The following ATG2B variants were observed in gnomAD, a reference collection of about 807,000 sequenced individuals.
ATG2B encodes the protein autophagy related 2B.
In ATG2B, 121 loss-of-function variants were observed where a neutral mutation model predicts 241.3. The observed-to-expected ratio is 0.50, with a 90% CI of 0.43 to 0.58. The LOEUF (loss-of-function observed/expected upper bound fraction) is 0.58, where lower values mean the gene tolerates loss of function less well. Ranked by LOEUF, ATG2B falls within the 20% of genes least tolerant of loss-of-function variation. The pLI is 0.00. For missense variants in ATG2B, 2,306 were observed against 2,491.6 expected (o/e 0.93, Z 1.59); for synonymous variants, 858 against 876.6 (o/e 0.98, Z 0.37).
At chr14:96,341,845 T>G (rs546574088) in intron 5 of ATG2B, 144 bp from the exon 6 acceptor site, 1 of 588,090 alleles carries the variant, frequency 1.7e-6, no homozygotes, top group African/African-American at 1.9e-5. Flanking sequence ...CAGTATCGTA[T>G]AGCTAAAATG....
chr14:96,356,329 C>T (rs918685390), intron 1 of ATG2B, among the ~76,000 whole-genome samples: 2 of 152,060 alleles, frequency 1.3e-5, no homozygotes, highest in African/African-American at 4.8e-5. Context: ...GCCTACTTTA[C>T]AAATATGGCA....
intron 1 of ATG2B, among the ~76,000 whole-genome samples, chr14:96,360,910 A>C (rs4905485): frequency 7.0e-6 from 1 of 142,620 alleles, no homozygotes; most frequent in Non-Finnish European, 1.5e-5. Flanking sequence ...TTTGGCAACA[A>C]AGCAAGAGAA....
Position 96,295,506 on chromosome 14 carries a change from G to A in ATG2B, c.5194C>T (p.Leu1732Phe), listed in dbSNP as rs533956073. The change falls in exon 35 of 42, where the codon CTT becomes TTT. Residue 1732 changes from leucine to phenylalanine, a missense_variant. Leu to Phe is a conservative substitution (Grantham distance 22). Around this residue, in one of 2 missense-constraint regions of ATG2B, gnomAD observed 379 missense variants for 480.4 expected, o/e 0.79. Transcript: ENST00000359933. ...FFTSLSAEVE[L>F]QMTPDPEVKK... ...CCTTCTGGATCTGGAGTCATTTGAAGCTCTACTTCTGCAGAAAGACTTGTG... is the reference window on the plus strand; with the variant it reads ...CCTTCTGGATCTGGAGTCATTTGAAACTCTACTTCTGCAGAAAGACTTGTG... 79 of 1,605,824 alleles carry A rather than the reference G, an allele frequency of 4.9e-5. No homozygotes were observed. In the South Asian group the frequency reaches 8.4e-4, roughly 17 times the overall value.
chr14:96,340,320 T>C (rs373519748), intron 6 of ATG2B, among the ~76,000 whole-genome samples: 2 of 150,130 alleles, frequency 1.3e-5, no homozygotes, highest in African/African-American at 2.4e-5. Flanking sequence ...AACAGATGAA[T>C]GGATAAAGAA....
At chr14:96,337,940 A>G (rs1174287705) in intron 6 of ATG2B, among the ~76,000 whole-genome samples, 2 of 152,090 alleles carry the variant, frequency 1.3e-5, no homozygotes, top group Non-Finnish European at 2.9e-5. Flanking sequence ...TGTGCCATCT[A>G]TTCTTTCAGC....
rs746886878 is a variant in ATG2B, at chr14:96,311,278, G to A, written c.4000C>T (p.Arg1334Cys). Reference protein sequence around the residue: ...SDSDGEQTEPRFELHCSSDVV... With the variant: ...SDSDGEQTEPCFELHCSSDVV... ...TCGCTGGAACAGTGTAACTCAAAGC[G>A]GGGCTCAGTCTGGACAAGACACAGA... The change falls in exon 28 of 42, where the codon CGC becomes TGC. Residue 1334 changes from arginine to cysteine, a missense_variant. By Grantham distance (180) the Arg-to-Cys change is radical. This residue lies in a region of ATG2B where 1,927 missense variants were observed against 2,011.2 expected (regional missense o/e 0.96). Transcript: ENST00000359933. 9.9e-6 allele frequency: 16 copies of A among 1,611,990 alleles called. No homozygotes were observed. The highest frequency in any genetic ancestry group is 5.0e-5 in the Admixed American group (3 of 59,690).
In ATG2B at chr14:96,341,005, C is replaced by T. The variant is rs147348066; in HGVS notation, c.924+517G>A. On this transcript the variant is annotated intron_variant, in intron 6 of 41. Coordinates refer to ENST00000359933, the MANE Select transcript of ATG2B (RefSeq NM_018036.7). The stretch of plus-strand genomic sequence containing the variant: ...GTCAAAAAATTTTAAAGCTATGAGA[C>T]AATGGAAAAAGTCTATCTCTTTTCA... Among the ~76,000 whole-genome samples the T allele has an allele frequency of 9.7e-4, 145 of 149,984 alleles. 1 individual carries two copies. The highest frequency in any genetic ancestry group is 3.4e-3 in the African/African-American group (137 of 40,760).
chr14:96,302,589 A>C (rs78393467), intron 33 of ATG2B, among the ~76,000 whole-genome samples: 12 of 150,012 alleles, frequency 8.0e-5, no homozygotes, highest in Non-Finnish European at 1.3e-4. Context: ...GAAAAAAAAA[A>C]CTGCTTAAAG....
rs1427515108 is a variant in ATG2B, at chr14:96,281,541, A to T, written c.*4214T>A. On this transcript the variant is annotated 3_prime_UTR_variant, in exon 42 of 42. Coordinates refer to ENST00000359933, the MANE Select transcript of ATG2B (RefSeq NM_018036.7). ...ACACCCCTACCAAATTTCTCAATGA[A>T]AAAGCAAATAGCCCTGGGTGACCAG... 1 of 152,238 alleles carries T rather than the reference A, an allele frequency of 6.6e-6. No homozygotes were observed. Among genetic ancestry groups the T allele is most frequent in the African/African-American group, 2.4e-5 (1 of 41,448 alleles). The allele number at this position is 152,238 out of a possible 1,614,324, so 9.4% of individuals were successfully genotyped here.
intron 1 of ATG2B, among the ~76,000 whole-genome samples, chr14:96,347,581 A>C (rs1293924464): frequency 1.3e-5 from 2 of 152,220 alleles, no homozygotes; most frequent in Non-Finnish European, 2.9e-5. Context: ...CAAACTATCT[A>C]TCTGACCCAG....
At chr14:96,293,790 G>T (rs1379365108) in intron 36 of ATG2B, among the ~76,000 whole-genome samples, 1 of 152,028 alleles carries the variant, frequency 6.6e-6, no homozygotes, top group African/African-American at 2.4e-5. Context: ...ATTTACCTAA[G>T]TAAGTATAGG....
In ATG2B at chr14:96,324,578, G is replaced by A. The variant is rs9972136; in HGVS notation, c.2438-580C>T. Among the ~76,000 whole-genome samples, 166 of 152,140 alleles carry A rather than the reference G, an allele frequency of 1.1e-3. 5 individuals carry two copies. Among genetic ancestry groups the A allele is most frequent in the African/African-American group, 3.7e-3 (152 of 41,528 alleles). On this transcript the variant is annotated intron_variant, in intron 15 of 41. Transcript: ENST00000359933. ...GACATCCAACTGAGGCACGAGAATC[G>A]CTTGAAGCCAGGAGATGAAGATTGC... is the stretch of plus-strand genomic sequence containing the variant.
rs1886451629 is a variant in ATG2B at position 96,290,372 on chromosome 14, CA to C, written c.5856+63del. 6.4e-7 allele frequency: 1 copy of C among 1,552,202 alleles called. No homozygotes were observed. The highest frequency in any genetic ancestry group is 1.4e-5 in the African/African-American group (1 of 72,806). On this transcript the variant is annotated intron_variant, in intron 40 of 41. Transcript: ENST00000359933. This position sits in a 1 kb window ranked among gnomAD's most constrained non-coding sequence, Gnocchi z 4.4. ...TATCTTCACAGTATCGTTTTAAAAA[CA>C]AAAGGACCCAACCATTTCACAATGG...
intron 33 of ATG2B, 69 bp from the exon 34 acceptor site, chr14:96,302,177 G>GAA (rs397746550): frequency 2.5e-3 from 2,092 of 838,586 alleles, no homozygotes; most frequent in Non-Finnish European, 3.3e-3. Flanking sequence ...TTAAAAATAA[G>GAA]AAAAAAAAAG....
intron 2 of ATG2B, 47 bp from the exon 3 acceptor site, chr14:96,345,432 A>G: frequency 7.2e-7 from 1 of 1,387,068 alleles, no homozygotes; most frequent in Non-Finnish European, 9.7e-7. Flanking sequence ...AAGAGTTACA[A>G]CAATGCCAGT....
At chr14:96,308,270 A>ATATATATGTATG (rs1301919671) in intron 29 of ATG2B, among the ~76,000 whole-genome samples, 1 of 27,904 alleles carries the variant, frequency 3.6e-5, no homozygotes, top group Non-Finnish European at 5.9e-5. Flanking sequence ...ATATATATAT[A>ATATATATGTATG]TATATATATA....
At chr14:96,339,218 G>A (rs1887943708) in intron 6 of ATG2B, among the ~76,000 whole-genome samples, 1 of 151,664 alleles carries the variant, frequency 6.6e-6, no homozygotes, top group Non-Finnish European at 1.5e-5. Context: ...AAGCAGTATG[G>A]AAATTCCTTA....
intron 11 of ATG2B, among the ~76,000 whole-genome samples, chr14:96,331,091 A>G (rs1421829104): frequency 6.6e-6 from 1 of 152,244 alleles, no homozygotes; most frequent in African/African-American, 2.4e-5. Context: ...AAATGTGGTT[A>G]AAGAAACTTG....
intron 14 of ATG2B, among the ~76,000 whole-genome samples, chr14:96,326,688 A>G (rs1261567017): frequency 6.6e-6 from 1 of 152,126 alleles, no homozygotes; most frequent in East Asian, 1.9e-4. Flanking sequence ...TCTAACCTCC[A>G]TGATTTGAAA....
Sources: allele counts gnomAD v4.1 joint callset (sites outside exome capture counted in the v4.1 genomes callset), GRCh38; gene constraint gnomAD v4.1.1; regional missense constraint gnomAD v4.1.1; non-coding constraint Gnocchi (gnomAD v3.1); transcripts MANE v1.5; gene names NCBI Gene and HGNC (gene_info 2026-07-23, HGNC 2026-07-21).